Variants in ABHD12B observed in about 807,000 individuals in gnomAD.
The protein encoded by ABHD12B is protein ABHD12B.
A neutral mutation model predicts 50.4 loss-of-function variants in ABHD12B; 42 were observed. That is an observed-to-expected ratio of 0.83 (90% CI 0.65 to 1.08). The LOEUF (loss-of-function observed/expected upper bound fraction) is 1.08, where lower values mean the gene tolerates loss of function less well. Ranked by LOEUF, ABHD12B falls within the 50% of genes least tolerant of loss-of-function variation. The pLI, the probability that ABHD12B is intolerant of heterozygous loss-of-function variation, is 0.00. For missense variants in ABHD12B, 479 were observed against 447.7 expected (o/e 1.07, Z -0.63); for synonymous variants, 167 against 160.3 (o/e 1.04, Z -0.32).
intron 7 of ABHD12B, 110 bp downstream of exon 7, chr14:50,886,005 T>C: frequency 6.8e-7 from 1 of 1,472,940 alleles, no homozygotes; most frequent in Non-Finnish European, 9.3e-7. Context: ...ACAGGGACTC[T>C]TTGCTGATCA....
chr14:50,899,863 A>C lies in ABHD12B; in HGVS notation c.781-1966A>C, dbSNP rs901764910. Among the ~76,000 whole-genome samples, 4 of 151,710 alleles carry C rather than the reference A, an allele frequency of 2.6e-5. No homozygotes were observed. In the East Asian group the frequency reaches 7.8e-4, roughly 29 times the overall value. On this transcript the variant is annotated intron_variant, in intron 9 of 12. Transcript: ENST00000337334. ...CTTGAACCCAGGAGGCAGACGTTGC[A>C]GTGAGCCAAGATTGCACCACTGCAC...
At chr14:50,903,345 T>C (rs200250586) in intron 10 of ABHD12B, 44 bp from the exon 11 acceptor site, 37 of 1,442,696 alleles carry the variant, frequency 2.6e-5, no homozygotes, top group Non-Finnish European at 3.6e-5. Flanking sequence ...GAAATCTCAA[T>C]GTATCATTCT....
rs1335777441 is a variant in ABHD12B at position 50,885,702 on chromosome 14, G to T, written c.532+43G>T. ...TGTACAAAGATGTTTCAGTAACCAG[G>T]GGGCCTCTGATGACCCCTCATTTTG... On this transcript the variant is annotated intron_variant, in intron 6 of 12. Coordinates refer to ENST00000337334, the MANE Select transcript of ABHD12B (RefSeq NM_001206673.2). 6 of 1,614,120 alleles carry T rather than the reference G, an allele frequency of 3.7e-6. No homozygotes were observed. In the South Asian group the frequency reaches 6.6e-5, roughly 18 times the overall value.
At chr14:50,881,681 T>C in intron 5 of ABHD12B, 55 bp downstream of exon 5, 1 of 1,606,328 alleles carries the variant, frequency 6.2e-7, no homozygotes, top group Middle Eastern at 1.7e-4. Context: ...TGATATGTCA[T>C]AAGATTTTCC....
At chr14:50,904,015 A>G in intron 11 of ABHD12B, 59 bp from the exon 12 acceptor site, 1 of 1,388,118 alleles carries the variant, frequency 7.2e-7, no homozygotes, top group Non-Finnish European at 1.0e-6. Flanking sequence ...GGGAAATTGG[A>G]CTAGAAAAAT....
At chr14:50,877,700 C>T (rs970558964) in intron 1 of ABHD12B, among the ~76,000 whole-genome samples, 1 of 152,070 alleles carries the variant, frequency 6.6e-6, no homozygotes, top group Non-Finnish European at 1.5e-5. Flanking sequence ...AACCCTGTCT[C>T]TACTAAAAAT....
chr14:50,900,897 G>T (rs773806361), intron 9 of ABHD12B, among the ~76,000 whole-genome samples: 1 of 152,214 alleles, frequency 6.6e-6, no homozygotes, highest in Non-Finnish European at 1.5e-5. Context: ...GGTGTTAAGC[G>T]AAAGAGTGCT....
chr14:50,890,529 T>C (rs769412311), intron 9 of ABHD12B, among the ~76,000 whole-genome samples: 1 of 152,228 alleles, frequency 6.6e-6, no homozygotes, highest in Non-Finnish European at 1.5e-5. Flanking sequence ...TGAGCAATAT[T>C]GTTTTGTCTG....
At chr14:50,895,233 A>G (rs1358864343) in intron 9 of ABHD12B, among the ~76,000 whole-genome samples, 1 of 149,562 alleles carries the variant, frequency 6.7e-6, no homozygotes, top group Non-Finnish European at 1.5e-5. Flanking sequence ...ACATTAAATA[A>G]AACTCCAAAA....
At chr14:50,896,784 TC>T (rs2050205749) in intron 9 of ABHD12B, among the ~76,000 whole-genome samples, 2 of 152,012 alleles carry the variant, frequency 1.3e-5, no homozygotes, top group Admixed American at 6.6e-5. Context: ...TGGCTGACTC[TC>T]TTTGCGGACT....
chr14:50,873,939 C>G (rs1030642343), intron 1 of ABHD12B, among the ~76,000 whole-genome samples: 5 of 152,194 alleles, frequency 3.3e-5, no homozygotes, highest in Non-Finnish European at 5.9e-5. Context: ...CCTGAAAGAA[C>G]AAAATACTAG....
chr14:50,879,864 G>T (rs2049915392), intron 3 of ABHD12B, among the ~76,000 whole-genome samples: 1 of 152,138 alleles, frequency 6.6e-6, no homozygotes, highest in East Asian at 1.9e-4. Context: ...CAGAAGATTT[G>T]TCACCCTTAG....
chr14:50,878,808 TCTAC>T lies in ABHD12B; in HGVS notation c.299_302del (p.Tyr100Ter). ...TTAAAGATTCCTCACACAGTGAACT[TCTAC>T]CTGAGAGTTGAACCTGGGGTGATGC... On this transcript the variant is annotated frameshift_variant, in exon 3 of 13. Transcript: ENST00000337334. LOFTEE classifies it high-confidence loss of function. The T allele has an allele frequency of 6.2e-7, 1 of 1,614,024 alleles. No homozygotes were observed. The highest frequency in any genetic ancestry group is 8.5e-7 in the Non-Finnish European group (1 of 1,179,888).
intron 8 of ABHD12B, 38 bp from the exon 9 acceptor site, chr14:50,888,786 G>A (rs45548936): frequency 1.3e-6 from 2 of 1,558,828 alleles, no homozygotes; most frequent in Non-Finnish European, 1.8e-6. Flanking sequence ...TTGAATAGGG[G>A]AGTTACTGAT....
intron 5 of ABHD12B, among the ~76,000 whole-genome samples, chr14:50,885,056 GAAT>G (rs1226956077): frequency 2.6e-5 from 4 of 152,056 alleles, no homozygotes; most frequent in African/African-American, 9.7e-5. Context: ...TCACTTTTCA[GAAT>G]AATATTTACA....
At chr14:50,891,279 G>C (rs1163178648) in intron 9 of ABHD12B, 1 of 150,608 alleles carries the variant, frequency 6.6e-6, no homozygotes, top group Non-Finnish European at 1.5e-5. Flanking sequence ...GTCTGGCTCT[G>C]TCGTCCAGGC....
intron 9 of ABHD12B, among the ~76,000 whole-genome samples, chr14:50,900,724 C>G (rs2050252326): frequency 6.6e-6 from 1 of 152,110 alleles, no homozygotes; most frequent in South Asian, 2.1e-4. Flanking sequence ...TGGGATCAGG[C>G]CTGACATGTT....
intron 9 of ABHD12B, among the ~76,000 whole-genome samples, chr14:50,900,445 A>G (rs2050249784): frequency 6.6e-6 from 1 of 152,206 alleles, no homozygotes; most frequent in Non-Finnish European, 1.5e-5. Flanking sequence ...GTTGTGGTCC[A>G]TTTACCTACG....
At position 50,904,100 on chromosome 14, in the gene ABHD12B, C is replaced by T. The variant is rs1208991152; in HGVS notation, c.969C>T (p.Tyr323=). Residue 323 remains tyrosine (Y), a synonymous_variant, in exon 12 of 13, where the codon TAC becomes TAT. Transcript: ENST00000337334. ...KKLYEIARNA[Y]RNKERVKMVI... ...TCTATGAAATTGCACGCAATGCATA[C>T]AGGAACAAAGAGAGGGTCAAGATGG... 2 of 1,613,852 alleles carry T rather than the reference C, an allele frequency of 1.2e-6. No individual in the cohort carries two copies. Among genetic ancestry groups the T allele is most frequent in the African/African-American group, 1.3e-5 (1 of 74,888 alleles).
Sources: allele counts gnomAD v4.1 joint callset (sites outside exome capture counted in the v4.1 genomes callset), GRCh38; gene constraint gnomAD v4.1.1; transcripts MANE v1.5; gene names NCBI Gene and HGNC (gene_info 2026-07-23, HGNC 2026-07-21).